The following HDAC8 variants were observed in gnomAD, a reference collection of about 807,000 sequenced individuals.
HDAC8 encodes histone deacetylase-like 1.
HDAC8 carries 1 observed loss-of-function variant against 32.2 expected under a neutral mutation model. That is an observed-to-expected ratio of 0.03 (90% CI 0.01 to 0.15). HDAC8 has a LOEUF of 0.15. Ranked by LOEUF, HDAC8 falls within the 10% of genes least tolerant of loss-of-function variation. The probability of loss-of-function intolerance (pLI) is 1.00; values close to 1 mark genes in which losing one functional copy is unlikely to be tolerated. For synonymous variants in HDAC8, 108 were observed against 113.9 expected (o/e 0.95, Z 0.33); for missense variants, 117 against 300.0 (o/e 0.39, Z 4.51).
intron 9 of HDAC8, among the ~76,000 whole-genome samples, chrX:72,451,574 C>G (rs868938160): frequency 2.7e-5 from 3 of 111,881 alleles, no homozygotes; most frequent in Admixed American, 9.4e-5. Context: ...TACAGGGAAA[C>G]AATAATAATA....
chrX:72,379,599 G>C (rs2045209214), intron 9 of HDAC8, among the ~76,000 whole-genome samples: 2 of 101,928 alleles, frequency 2.0e-5, no homozygotes, highest in African/African-American at 7.3e-5. Flanking sequence ...CTGGGTTCAA[G>C]TGATTCTCCT....
At chrX:72,416,116 T>C (rs1302899813) in intron 9 of HDAC8, among the ~76,000 whole-genome samples, 2 of 111,521 alleles carry the variant, frequency 1.8e-5, no homozygotes, top group Admixed American at 1.9e-4. Context: ...TGAATTTTTC[T>C]TTAAATGTTT....
At chrX:72,360,940 C>T (rs996099237) in intron 9 of HDAC8, among the ~76,000 whole-genome samples, 8 of 111,847 alleles carry the variant, frequency 7.2e-5, no homozygotes, top group Non-Finnish European at 1.5e-4. Flanking sequence ...TTGAATTGAA[C>T]TGGCAGGAAG....
chrX:72,431,532 T>C (rs782395993), intron 9 of HDAC8, among the ~76,000 whole-genome samples: 94 of 111,552 alleles, frequency 8.4e-4, no homozygotes, highest in South Asian at 6.5e-3. Flanking sequence ...CTTTTTTTTT[T>C]CACTTGATTG....
At chrX:72,423,070 G>A (rs1214392161) in intron 9 of HDAC8, among the ~76,000 whole-genome samples, 1 of 111,313 alleles carries the variant, frequency 9.0e-6, no homozygotes, top group Non-Finnish European at 1.9e-5. Flanking sequence ...TAAAATAAAA[G>A]TTAAATTAAA....
chrX:72,439,606 G>C (rs1204582851), intron 9 of HDAC8, among the ~76,000 whole-genome samples: 1 of 101,914 alleles, frequency 9.8e-6, no homozygotes, highest in African/African-American at 3.8e-5. Flanking sequence ...TCAAAATAAA[G>C]GGATGGATGA....
chrX:72,391,833 T>C (rs1555963950), intron 9 of HDAC8, among the ~76,000 whole-genome samples: 2 of 111,337 alleles, frequency 1.8e-5, no homozygotes, highest in East Asian at 5.7e-4. Context: ...CATTCCCCTC[T>C]ATACATTCGC....
At chrX:72,520,652 A>G (rs2049954480) in intron 4 of HDAC8, among the ~76,000 whole-genome samples, 1 of 112,583 alleles carries the variant, frequency 8.9e-6, no homozygotes. Flanking sequence ...CATCAATTCA[A>G]GAATATCATC....
intron 10 of HDAC8, among the ~76,000 whole-genome samples, chrX:72,344,120 G>A (rs924354610): frequency 9.0e-6 from 1 of 111,560 alleles, no homozygotes; most frequent in Non-Finnish European, 1.9e-5. Flanking sequence ...TTCTCCCCAG[G>A]GTGTCAATGG....
chrX:72,347,777 G>C (rs984957909), intron 10 of HDAC8, among the ~76,000 whole-genome samples: 1 of 112,192 alleles, frequency 8.9e-6, no homozygotes, highest in African/African-American at 3.2e-5. Context: ...TGAACATGGT[G>C]CAAGGATGAT....
intron 9 of HDAC8, among the ~76,000 whole-genome samples, chrX:72,389,255 G>A (rs1306228864): frequency 8.9e-6 from 1 of 111,918 alleles, no homozygotes; most frequent in Non-Finnish European, 1.9e-5. Context: ...AGCTAAAAAA[G>A]GATACTGAGT....
intron 4 of HDAC8, among the ~76,000 whole-genome samples, chrX:72,530,862 C>A (rs781900910): frequency 1.8e-4 from 20 of 112,306 alleles, no homozygotes; most frequent in Non-Finnish European, 2.8e-4. Context: ...CACATTATAA[C>A]ATAACATGAT....
At chrX:72,484,423 T>TGAA (rs1449712264) in intron 7 of HDAC8, among the ~76,000 whole-genome samples, 36 of 112,209 alleles carry the variant, frequency 3.2e-4, no homozygotes, top group Non-Finnish European at 6.2e-4. Flanking sequence ...TTTAACAATG[T>TGAA]ATCTTCCTTT....
chrX:72,440,988 G>T (rs977387345), intron 9 of HDAC8, among the ~76,000 whole-genome samples: 2 of 112,839 alleles, frequency 1.8e-5, no homozygotes, highest in Admixed American at 9.3e-5. Context: ...AGGGAGGGGC[G>T]CCCGCCATTG....
intron 9 of HDAC8, 114 bp from the exon 10 acceptor site, chrX:72,351,952 C>T: frequency 2.0e-6 from 1 of 508,232 alleles, no homozygotes; most frequent in East Asian, 3.7e-5. Flanking sequence ...AGGGAGGCCT[C>T]CTTGGGCAGA....
intron 7 of HDAC8, among the ~76,000 whole-genome samples, chrX:72,488,158 C>A (rs182404732): frequency 1.8e-3 from 202 of 111,344 alleles, no homozygotes; most frequent in African/African-American, 6.2e-3. Context: ...AGGCAGGCTT[C>A]TTTGGGAAGA....
intron 4 of HDAC8, among the ~76,000 whole-genome samples, chrX:72,564,634 A>G (rs1556129379): frequency 1.8e-5 from 2 of 111,898 alleles, no homozygotes; most frequent in South Asian, 7.5e-4. Context: ...GTATAATGGT[A>G]CAAGCTGTCA....
At chrX:72,501,834 A>T (rs934588198) in intron 4 of HDAC8, among the ~76,000 whole-genome samples, 11 of 112,411 alleles carry the variant, frequency 9.8e-5, no homozygotes, top group African/African-American at 3.6e-4. Flanking sequence ...GTAAACAGAC[A>T]ACCTACAGAA....
At chrX:72,528,769 C>T (rs1556034071) in intron 4 of HDAC8, among the ~76,000 whole-genome samples, 1 of 111,800 alleles carries the variant, frequency 8.9e-6, no homozygotes. Context: ...TTACCCACTA[C>T]TTTTCCTCAG....
Sources: allele counts gnomAD v4.1 joint callset (sites outside exome capture counted in the v4.1 genomes callset), GRCh38; gene constraint gnomAD v4.1.1; transcripts MANE v1.5; gene names NCBI Gene and HGNC (gene_info 2026-07-23, HGNC 2026-07-21).